The following GRID1 variants were observed in gnomAD, a reference collection of about 807,000 sequenced individuals.
GRID1 encodes glutamate receptor ionotropic, delta-1.
Under a neutral mutation model 98.0 loss-of-function variants are expected in GRID1, and 28 were observed. That is an observed-to-expected ratio of 0.29 (90% CI 0.21 to 0.39). The LOEUF is 0.39. Among genes scored for constraint, GRID1 ranks in the 10% least tolerant of loss-of-function variants. GRID1 has a pLI of 1.00. For synonymous variants in GRID1, 553 were observed against 538.5 expected (o/e 1.03, Z -0.37); for missense variants, 1,111 against 1,340.5 (o/e 0.83, Z 2.67).
In GRID1 at chr10:86,220,720, CTT is replaced by C. The variant is rs369815753; in HGVS notation, c.236-14074_236-14073del. Reference sequence around the variant, plus strand: ...CTGTGTCCCACATGCTGCAGGAGCTCTTCTCATTCACCCCAAGTTTTGCATGG... The same window carrying C: ...CTGTGTCCCACATGCTGCAGGAGCTCCTCATTCACCCCAAGTTTTGCATGG... On this transcript the variant is annotated intron_variant, in intron 2 of 15. Coordinates refer to ENST00000327946, the MANE Select transcript of GRID1 (RefSeq NM_017551.3). Among the ~76,000 whole-genome samples, 612 of 152,324 alleles carry C rather than the reference CTT, an allele frequency of 4.0e-3. 5 individuals are homozygous for C. The highest frequency in any genetic ancestry group is 0.014 in the African/African-American group (598 of 41,562).
At chr10:85,932,116 G>GC (rs1841861976) in intron 4 of GRID1, among the ~76,000 whole-genome samples, 1 of 152,320 alleles carries the variant, frequency 6.6e-6, no homozygotes, top group African/African-American at 2.4e-5. Flanking sequence ...TCAGAGGCCT[G>GC]CCGGCAGAAC....
chr10:86,016,225 C>A (rs1842978288), intron 4 of GRID1, among the ~76,000 whole-genome samples: 1 of 123,322 alleles, frequency 8.1e-6, no homozygotes, highest in Non-Finnish European at 1.8e-5. Context: ...CAGTTCACTG[C>A]AAGCTCTGCC....
chr10:85,607,785 A>G lies in GRID1; in HGVS notation c.2602-5084T>C, dbSNP rs530914373. 4.6e-5 allele frequency among the ~76,000 whole-genome samples: 7 copies of G among 151,374 alleles called. No homozygotes were observed. In the East Asian group the frequency reaches 1.4e-3, roughly 29 times the overall value. ...GAGAACTCACATCTACCAGGTTCCC[A>G]AACCTGGGCTCTTTCCTTTTCCTTT... On this transcript the variant is annotated intron_variant, in intron 15 of 15. Transcript: ENST00000327946.
chr10:85,765,105 AT>A (rs1842185104), intron 8 of GRID1, among the ~76,000 whole-genome samples: 1 of 152,144 alleles, frequency 6.6e-6, no homozygotes, highest in South Asian at 2.1e-4. Context: ...CAACCCCATA[AT>A]TTTGTATTAT....
chr10:86,258,941 C>G (rs778960669), intron 2 of GRID1, among the ~76,000 whole-genome samples: 1 of 152,130 alleles, frequency 6.6e-6, no homozygotes, highest in Non-Finnish European at 1.5e-5. Context: ...TGGAACTGAA[C>G]GAAGAACTGA....
intron 2 of GRID1, among the ~76,000 whole-genome samples, chr10:86,245,826 C>T (rs1846717794): frequency 6.6e-6 from 1 of 152,250 alleles, no homozygotes; most frequent in Non-Finnish European, 1.5e-5. Flanking sequence ...ACTCACAAAG[C>T]CACAGGCCAG....
At chr10:86,123,675 T>C (rs1322542822) in intron 4 of GRID1, among the ~76,000 whole-genome samples, 1 of 152,212 alleles carries the variant, frequency 6.6e-6, no homozygotes, top group Non-Finnish European at 1.5e-5. Flanking sequence ...CTTTTGCTGC[T>C]TCTCCGAATT....
At chr10:85,731,464 T>A (rs1253009042) in intron 8 of GRID1, among the ~76,000 whole-genome samples, 3 of 143,066 alleles carry the variant, frequency 2.1e-5, no homozygotes, top group Non-Finnish European at 3.0e-5. Context: ...ATGATACAGT[T>A]AAAAAAAAAA....
At chr10:85,769,389 G>A (rs553225477) in intron 8 of GRID1, among the ~76,000 whole-genome samples, 16 of 152,320 alleles carry the variant, frequency 1.1e-4, no homozygotes, top group African/African-American at 2.4e-4. Context: ...AGCTCCCAGC[G>A]TGAGCGACAC....
chr10:86,284,363 C>T (rs1847399830), intron 2 of GRID1, among the ~76,000 whole-genome samples: 1 of 152,220 alleles, frequency 6.6e-6, no homozygotes, highest in African/African-American at 2.4e-5. Context: ...ATGGAGGCTC[C>T]TCTAGCAGCT....
At chr10:86,091,720 T>C (rs1478917012) in intron 4 of GRID1, among the ~76,000 whole-genome samples, 1 of 151,970 alleles carries the variant, frequency 6.6e-6, no homozygotes, top group Non-Finnish European at 1.5e-5. Context: ...CTAAGGAATC[T>C]CACAGAGTCC....
chr10:86,110,986 A>G (rs1406947162), intron 4 of GRID1, among the ~76,000 whole-genome samples: 1 of 152,202 alleles, frequency 6.6e-6, no homozygotes, highest in Non-Finnish European at 1.5e-5. Context: ...TGCATAACAA[A>G]CAACTCAAAA....
intron 2 of GRID1, among the ~76,000 whole-genome samples, chr10:86,326,132 T>C (rs1848047332): frequency 6.6e-6 from 1 of 152,208 alleles, no homozygotes; most frequent in Admixed American, 6.5e-5. Context: ...CTCATTTGTA[T>C]TAGAAATAAA....
At chr10:85,803,207 A>G (rs1283255480) in intron 8 of GRID1, among the ~76,000 whole-genome samples, 1 of 152,136 alleles carries the variant, frequency 6.6e-6, no homozygotes, top group African/African-American at 2.4e-5. Flanking sequence ...ACTTAACTGT[A>G]TATTTAAAAA....
intron 4 of GRID1, among the ~76,000 whole-genome samples, chr10:86,045,129 A>G (rs1207962494): frequency 1.3e-5 from 2 of 152,234 alleles, no homozygotes; most frequent in Admixed American, 6.5e-5. Context: ...GATTTGTATT[A>G]ACTCATTCAA....
intron 12 of GRID1, among the ~76,000 whole-genome samples, chr10:85,696,361 G>A (rs1372103151): frequency 6.6e-6 from 1 of 151,982 alleles, no homozygotes; most frequent in Non-Finnish European, 1.5e-5. Context: ...GCCATTCTGA[G>A]GAGGTGACCT....
intron 3 of GRID1, among the ~76,000 whole-genome samples, chr10:86,197,763 T>C (rs977264746): frequency 4.6e-5 from 7 of 151,972 alleles, no homozygotes; most frequent in Non-Finnish European, 1.0e-4. Context: ...TGGAATCTGA[T>C]GGAGGGGTGA....
intron 13 of GRID1, among the ~76,000 whole-genome samples, chr10:85,634,268 C>G (rs928278253): frequency 5.6e-5 from 8 of 143,128 alleles, no homozygotes; most frequent in African/African-American, 2.2e-4. Context: ...CTCTCTCTCT[C>G]TCTCTCTCTC....
intron 8 of GRID1, among the ~76,000 whole-genome samples, chr10:85,822,688 G>A (rs571767871): frequency 2.0e-5 from 3 of 152,248 alleles, no homozygotes; most frequent in African/African-American, 7.2e-5. Flanking sequence ...CCATTACTGG[G>A]TATATACCCA....
Sources: gnomAD v4.1 joint callset for allele counts (sites outside exome capture counted in the v4.1 genomes callset) on GRCh38, gnomAD v4.1.1 for gene constraint, MANE v1.5 for transcripts, NCBI Gene and HGNC (gene_info 2026-07-23, HGNC 2026-07-21) for gene names.